USP34: variants seen among roughly 807,000 people sequenced by gnomAD.
USP34 encodes the protein ubiquitin carboxyl-terminal hydrolase 34.
In USP34, 70 loss-of-function variants were observed where a neutral mutation model predicts 460.3. That is an observed-to-expected ratio of 0.15 (90% CI 0.13 to 0.19). The LOEUF is 0.19. Ranked by LOEUF, USP34 falls within the 10% of genes least tolerant of loss-of-function variation. The probability of loss-of-function intolerance (pLI) is 1.00; values close to 1 mark genes in which losing one functional copy is unlikely to be tolerated. For synonymous variants in USP34, 1,647 were observed against 1,405.3 expected, an observed-to-expected ratio of 1.17 and a Z score of -3.85; for missense variants, 3,985 against 4,236.2, an observed-to-expected ratio of 0.94 and a Z score of 1.65.
chr2:61,442,783 CTG>C (rs1452357515), intron 1 of USP34, among the ~76,000 whole-genome samples: 2 of 152,108 alleles, frequency 1.3e-5, no homozygotes, highest in African/African-American at 2.4e-5. Flanking sequence ...AAGGAAAACA[CTG>C]TATCAGAGAC....
chr2:61,344,135 C>A (rs1691689135), intron 15 of USP34, 106 bp from the exon 16 acceptor site: 1 of 980,718 alleles, frequency 1.0e-6, no homozygotes. Flanking sequence ...TAGAAACAAA[C>A]CGACATCTGC....
At chr2:61,221,882 C>T (rs1285462929) in intron 65 of USP34, 4 of 272,068 alleles carry the variant, frequency 1.5e-5, no homozygotes, top group African/African-American at 4.4e-5. Context: ...TTGACAAACA[C>T]TGTAAATACT....
At chr2:61,468,207 CAA>C (rs1397838786) in intron 1 of USP34, among the ~76,000 whole-genome samples, 1 of 152,000 alleles carries the variant, frequency 6.6e-6, no homozygotes, top group Admixed American at 6.6e-5. Context: ...TTTTTTGAGA[CAA>C]AGTTTCGCTC....
intron 23 of USP34, among the ~76,000 whole-genome samples, chr2:61,316,776 T>G (rs1037570915): frequency 6.7e-6 from 1 of 148,390 alleles, no homozygotes. Flanking sequence ...TCCCAGATAC[T>G]TCGGGAAGCT....
intron 10 of USP34, among the ~76,000 whole-genome samples, chr2:61,368,786 T>C (rs1336397566): frequency 6.6e-6 from 1 of 152,292 alleles, no homozygotes. Flanking sequence ...TCTCTTATAA[T>C]GTTGTGAATG....
At chr2:61,246,794 T>C (rs1234491001) in intron 49 of USP34, among the ~76,000 whole-genome samples, 1 of 152,132 alleles carries the variant, frequency 6.6e-6, no homozygotes, top group Non-Finnish European at 1.5e-5. Flanking sequence ...TACATAATTA[T>C]GGACAACTTC....
chr2:61,297,549 C>G (rs972064421), intron 29 of USP34, among the ~76,000 whole-genome samples: 1 of 152,136 alleles, frequency 6.6e-6, no homozygotes, highest in Non-Finnish European at 1.5e-5. Context: ...AAGTACCACC[C>G]TGAGAGGTAA....
chr2:61,275,103 C>A (rs62152275), intron 41 of USP34, among the ~76,000 whole-genome samples: 33,682 of 151,810 alleles, frequency 0.22, 3,813 homozygotes, highest in South Asian at 0.33. Context: ...ATGGCGAAAT[C>A]CCGTCTCTAC....
At chr2:61,250,328 C>T in intron 48 of USP34, 1 of 178,302 alleles carries the variant, frequency 5.6e-6, no homozygotes, top group Non-Finnish European at 1.2e-5. Context: ...GTTGAGTTAA[C>T]CAGAAAATAT....
At chr2:61,277,765 T>C (rs534487312) in intron 41 of USP34, 1 of 160,534 alleles carries the variant, frequency 6.2e-6, no homozygotes, top group African/African-American at 2.4e-5. Context: ...TGAATTATAT[T>C]GCCTATAATT....
Position 61,343,939 on chromosome 2 carries a change from A to C in USP34, c.2376T>G (p.Phe792Leu). The stretch of plus-strand genomic sequence containing the variant: ...CTTCACATCCAGATTCTTCACCATC[A>C]AAATCAGCCATATTTTTTTCTGATT... ...SAKSEKNMAD[F>L]DGEESGCEEE... is the part of the protein sequence containing the mutation. Residue 792 changes from phenylalanine (F) to leucine (L), a missense_variant, in exon 16 of 80, where the codon TTT becomes TTG. Transcript: ENST00000398571. 6.2e-7 allele frequency: 1 copy of C among 1,613,992 alleles called. No individual in the cohort carries two copies. The highest frequency in any genetic ancestry group is 1.1e-5 in the South Asian group (1 of 91,082).
intron 57 of USP34, among the ~76,000 whole-genome samples, chr2:61,233,843 TAAAA>T (rs11302574): frequency 7.8e-5 from 11 of 140,130 alleles, no homozygotes; most frequent in Admixed American, 7.0e-5. Context: ...ACTCTGGGGG[TAAAA>T]AAAAAAAAAA....
Position 61,198,279 on chromosome 2 carries a change from A to G in USP34, c.9508+4861T>C, listed in dbSNP as rs543955757. 5.9e-5 allele frequency among the ~76,000 whole-genome samples: 9 copies of G among 152,200 alleles called. No homozygotes were observed. The East Asian group carries it at 1.7e-3, about 29-fold the overall frequency. On this transcript the variant is annotated intron_variant, in intron 75 of 79. Transcript: ENST00000398571. ...TAAGAATGTTTATATTCTGCATATT[A>G]TTTTTACATTTTTATGTAATTCAAT...
At chr2:61,368,674 G>C (rs1214774523) in intron 10 of USP34, among the ~76,000 whole-genome samples, 1 of 152,078 alleles carries the variant, frequency 6.6e-6, no homozygotes, top group East Asian at 1.9e-4. Flanking sequence ...AGGAAAGTTG[G>C]ACACATACAT....
chr2:61,238,142 T>C (rs573503711), intron 53 of USP34, among the ~76,000 whole-genome samples: 105 of 152,134 alleles, frequency 6.9e-4, no homozygotes, highest in African/African-American at 2.4e-3. Flanking sequence ...GTGATCCACC[T>C]GCCTCAGCCT....
chr2:61,323,179 A>C (rs1690978612), intron 21 of USP34, among the ~76,000 whole-genome samples: 1 of 152,194 alleles, frequency 6.6e-6, no homozygotes, highest in South Asian at 2.1e-4. Context: ...CATGAGTTTC[A>C]GACCAGGCTG....
intron 37 of USP34, among the ~76,000 whole-genome samples, chr2:61,282,134 T>C (rs1689552882): frequency 6.6e-6 from 1 of 152,064 alleles, no homozygotes; most frequent in Non-Finnish European, 1.5e-5. Context: ...AGATTACAGG[T>C]GCCTGCCACC....
intron 5 of USP34, among the ~76,000 whole-genome samples, chr2:61,385,867 G>A (rs541796865): frequency 1.1e-4 from 16 of 150,814 alleles, no homozygotes; most frequent in South Asian, 2.1e-4. Context: ...GTGGTGACGC[G>A]CACCTGTAAT....
Position 61,319,256 on chromosome 2 carries a change from G to T in USP34, c.3085C>A (p.Leu1029Ile). The T allele has an allele frequency of 6.3e-7, 1 of 1,596,108 alleles. No individual in the cohort carries two copies. The change falls in exon 22 of 80, where the codon CTC becomes ATC. Residue 1029 changes from leucine to isoleucine, a missense_variant. By Grantham distance (5) the Leu-to-Ile change is conservative. Coordinates refer to ENST00000398571, the MANE Select transcript of USP34 (RefSeq NM_014709.4). Reference sequence around the variant, plus strand: ...CGAACTTGATTTAAAAACCAATGGAGTGCATCATCATAACATTCAGAATCT... The same window carrying T: ...CGAACTTGATTTAAAAACCAATGGATTGCATCATCATAACATTCAGAATCT... Reference protein sequence around the residue: ...VEDSECYDDALHWFLNQVRSK... With the variant: ...VEDSECYDDAIHWFLNQVRSK...
Sources: gnomAD v4.1 joint callset for allele counts (sites outside exome capture counted in the v4.1 genomes callset) on GRCh38, gnomAD v4.1.1 for gene constraint, MANE v1.5 for transcripts, NCBI Gene and HGNC (gene_info 2026-07-23, HGNC 2026-07-21) for gene names.